Variants in DTX3L observed in about 807,000 individuals in gnomAD.
The protein encoded by DTX3L is E3 ubiquitin-protein ligase DTX3L.
A neutral mutation model predicts 60.9 loss-of-function variants in DTX3L; 34 were observed. The observed-to-expected ratio is 0.56, with a 90% CI of 0.42 to 0.74. DTX3L has a LOEUF of 0.74. Ranked by LOEUF, DTX3L falls within the 30% of genes least tolerant of loss-of-function variation. The probability of loss-of-function intolerance (pLI) is 0.00; values close to 1 mark genes in which losing one functional copy is unlikely to be tolerated. For synonymous variants in DTX3L, 290 were observed against 316.6 expected (o/e 0.92, Z 0.89); for missense variants, 810 against 874.0 (o/e 0.93, Z 0.92).
Position 122,570,590 on chromosome 3 carries a change from T to G in DTX3L, c.2071T>G (p.Tyr691Asp). Residue 691 changes from tyrosine to aspartate, a missense_variant, in exon 4 of 5, where the codon TAC becomes GAC. Tyr to Asp is a radical substitution (Grantham distance 160). Coordinates refer to ENST00000296161, the MANE Select transcript of DTX3L (RefSeq NM_138287.3). ...FDQKLIFTVG[Y>D]SRVLGVSDVI... ...CCAAAAGCTGATTTTTACAGTGGGG[T>G]ACTCTCGCGTATTAGGAGTCTCAGA... 1.9e-6 allele frequency: 3 copies of G among 1,614,172 alleles called. No individual in the cohort carries two copies. Among genetic ancestry groups the G allele is most frequent in the Non-Finnish European group, 2.5e-6 (3 of 1,180,020 alleles).
intron 4 of DTX3L, among the ~76,000 whole-genome samples, chr3:122,571,151 C>T (rs920405611): frequency 1.3e-5 from 2 of 152,062 alleles, no homozygotes; most frequent in African/African-American, 4.8e-5. Flanking sequence ...CTTTATGAAA[C>T]CCAAATAGGA....
intron 4 of DTX3L, 142 bp downstream of exon 4, chr3:122,570,814 A>C: frequency 1.6e-5 from 14 of 849,280 alleles, no homozygotes; most frequent in Non-Finnish European, 2.4e-5. Flanking sequence ...TGGTAATCTC[A>C]AAGACAGAAA....
At chr3:122,564,653 G>T in intron 1 of DTX3L, 40 bp downstream of exon 1, 1 of 1,560,896 alleles carries the variant, frequency 6.4e-7, no homozygotes, top group South Asian at 1.2e-5. Context: ...CCCTCTGGGG[G>T]CCCGGCCCCC....
chr3:122,565,806 A>C (rs2080573344), intron 1 of DTX3L, 53 bp from the exon 2 acceptor site: 2 of 1,557,468 alleles, frequency 1.3e-6, no homozygotes, highest in Admixed American at 3.4e-5. Flanking sequence ...ATTACTTGAA[A>C]TCTCTCCCAT....
At chr3:122,568,416 T>TAGAGACTAGAC (rs1187598107) in intron 2 of DTX3L, 73 bp from the exon 3 acceptor site, 2 of 1,257,864 alleles carry the variant, frequency 1.6e-6, no homozygotes, top group African/African-American at 3.0e-5. Flanking sequence ...TCTCTATGCA[T>TAGAGACTAGAC]TCTCCTGAAG....
Position 122,568,783 on chromosome 3 carries a change from A to C in DTX3L, c.694A>C (p.Lys232Gln), listed in dbSNP as rs2080622697. 1 of 1,614,014 alleles carries C rather than the reference A, an allele frequency of 6.2e-7. No individual in the cohort carries two copies. The highest frequency in any genetic ancestry group is 1.1e-5 in the South Asian group (1 of 91,086). Residue 232 changes from lysine to glutamine, a missense_variant, in exon 3 of 5, where the codon AAA becomes CAA. Transcript: ENST00000296161. ...PSEPETKAEQKSNYFEVPLPY... is the reference protein window; with the variant it reads ...PSEPETKAEQQSNYFEVPLPY... ...TGAACCAGAAACCAAGGCAGAACAAAAAAGCAACTATTTTGAAGTTCCCTT... is the reference window on the plus strand; with the variant it reads ...TGAACCAGAAACCAAGGCAGAACAACAAAGCAACTATTTTGAAGTTCCCTT...
At position 122,568,806 on chromosome 3, in the gene DTX3L, C is replaced by G; in HGVS notation, c.717C>G (p.Pro239=). The change falls in exon 3 of 5, where the codon CCC becomes CCG. Residue 239 remains proline, a synonymous_variant. Transcript: ENST00000296161. ...AEQKSNYFEV[P]LPYFEYFKYI... ...AAAAAAGCAACTATTTTGAAGTTCC[C>G]TTGCCTTACTTTGAATACTTTAAAT... 6.2e-7 allele frequency: 1 copy of G among 1,613,984 alleles called. No individual in the cohort carries two copies. Among genetic ancestry groups the G allele is most frequent in the Non-Finnish European group, 8.5e-7 (1 of 1,180,000 alleles).
intron 2 of DTX3L, among the ~76,000 whole-genome samples, chr3:122,567,085 C>T (rs1413545961): frequency 6.6e-6 from 1 of 152,054 alleles, no homozygotes; most frequent in African/African-American, 2.4e-5. Context: ...TTTTGAGGCC[C>T]AGAAGCTTTA....
chr3:122,569,887 C>T lies in DTX3L; in HGVS notation c.1798C>T (p.Gln600Ter). ...MSYKPICPTCQTSYGIQKGNQ... is the reference protein window; with the variant it reads ...MSYKPICPTC ...ATATAAGCCAATCTGTCCCACATGC[C>T]AGACTTCCTATGGTATTCAGAAAGG... The change falls in exon 3 of 5, where the codon CAG becomes TAG. Residue 600 changes from glutamine (Q) to a stop codon, truncating the protein, a stop_gained. Transcript: ENST00000296161. LOFTEE classifies it high-confidence loss of function. 1 of 1,614,146 alleles carries T rather than the reference C, an allele frequency of 6.2e-7. No individual in the cohort carries two copies.
In DTX3L at chr3:122,570,019, C is replaced by A; in HGVS notation, c.1930C>A (p.Gln644Lys). The A allele has an allele frequency of 6.2e-7, 1 of 1,613,672 alleles. No homozygotes were observed. The highest frequency in any genetic ancestry group is 2.2e-5 in the East Asian group (1 of 44,878). ...TACTTATTCTATGAAAGCAGGCATA[C>A]AAACAGTAAGTATTTCTCAAGTCCA... Reference protein sequence around the residue: ...VITYSMKAGIQTEEHPNPGKR... With the variant: ...VITYSMKAGIKTEEHPNPGKR... Residue 644 changes from glutamine (Q) to lysine (K), a missense_variant, in exon 3 of 5, where the codon CAA becomes AAA. Transcript: ENST00000296161.
chr3:122,566,596 C>T (rs1042557851), intron 2 of DTX3L, among the ~76,000 whole-genome samples: 6 of 151,804 alleles, frequency 4.0e-5, no homozygotes, highest in African/African-American at 1.5e-4. Flanking sequence ...TTCCTGGGCT[C>T]AAGCGATCTG....
chr3:122,566,454 C>T lies in DTX3L; in HGVS notation c.399+384C>T, dbSNP rs147969266. Among the ~76,000 whole-genome samples the T allele has an allele frequency of 5.7e-3, 871 of 152,150 alleles. 7 individuals are homozygous for T. Among genetic ancestry groups the T allele is most frequent in the Non-Finnish European group, 9.0e-3 (611 of 67,976 alleles). On this transcript the variant is annotated intron_variant, in intron 2 of 4. Transcript: ENST00000296161. ...CAATCATGGCTCACTGCAGAGTTGA[C>T]CTCCTGGGCTCAAGGGATCCTCTCA...
In DTX3L at chr3:122,569,066, A is replaced by T. The variant is rs1283079855; in HGVS notation, c.977A>T (p.Asn326Ile). The change falls in exon 3 of 5, where the codon AAT becomes ATT. Residue 326 changes from asparagine to isoleucine, a missense_variant. By Grantham distance (149) the Asn-to-Ile change is moderately radical. Coordinates refer to ENST00000296161, the MANE Select transcript of DTX3L (RefSeq NM_138287.3). The stretch of plus-strand genomic sequence containing the variant: ...GCAAATAAATTCAAACAGGAATTGA[A>T]TCACCAGTTTACAAAGCTCCTTATA... The part of the protein sequence containing the change: ...KQANKFKQEL[N>I]HQFTKLLIKE... 1 of 1,613,990 alleles carries T rather than the reference A, an allele frequency of 6.2e-7. No homozygotes were observed. The highest frequency in any genetic ancestry group is 8.5e-7 in the Non-Finnish European group (1 of 1,179,988).
intron 2 of DTX3L, among the ~76,000 whole-genome samples, chr3:122,568,280 G>A (rs561748733): frequency 6.6e-6 from 1 of 152,112 alleles, no homozygotes; most frequent in Non-Finnish European, 1.5e-5. Flanking sequence ...TTGCACTCCA[G>A]CCTGGGTAAC....
chr3:122,568,776 A>G lies in DTX3L; in HGVS notation c.687A>G (p.Ala229=). 6.2e-7 allele frequency: 1 copy of G among 1,614,158 alleles called. No homozygotes were observed. The change falls in exon 3 of 5, where the codon GCA becomes GCG. Residue 229 remains alanine (A), a synonymous_variant. Transcript: ENST00000296161. The part of the protein sequence containing the change: ...CISPSEPETK[A]EQKSNYFEVP... ...CTCCTTCTGAACCAGAAACCAAGGC[A>G]GAACAAAAAAGCAACTATTTTGAAG... is the stretch of plus-strand genomic sequence containing the variant.
chr3:122,567,966 T>C (rs1272529326), intron 2 of DTX3L, among the ~76,000 whole-genome samples: 2 of 152,190 alleles, frequency 1.3e-5, no homozygotes, highest in Non-Finnish European at 2.9e-5. Flanking sequence ...GTGAGTCTTA[T>C]ATGCAGACAG....
rs760597749 is a variant in DTX3L at position 122,566,090 on chromosome 3, G to A, written c.399+20G>A. On this transcript the variant is annotated intron_variant, in intron 2 of 4. Coordinates refer to ENST00000296161, the MANE Select transcript of DTX3L (RefSeq NM_138287.3). ...CAAAAGGTGAGTATTGAAAGAAGGA[G>A]CTGGCTGTGCCTGCGCCTCCTCTCC... 1.2e-6 allele frequency: 2 copies of A among 1,608,674 alleles called. No individual in the cohort carries two copies. Among genetic ancestry groups the A allele is most frequent in the Non-Finnish European group, 1.7e-6 (2 of 1,175,484 alleles).
intron 2 of DTX3L, among the ~76,000 whole-genome samples, chr3:122,567,664 A>G (rs549074452): frequency 6.6e-6 from 1 of 152,282 alleles, no homozygotes; most frequent in African/African-American, 2.4e-5. Flanking sequence ...AGGAAGAGTG[A>G]AGAAGAGAAA....
In DTX3L at chr3:122,569,040, G is replaced by A. The variant is rs975434653; in HGVS notation, c.951G>A (p.Gln317=). The A allele has an allele frequency of 3.7e-6, 6 of 1,613,864 alleles. No homozygotes were observed. The highest frequency in any genetic ancestry group is 2.5e-6 in the Non-Finnish European group (3 of 1,179,978). The change falls in exon 3 of 5, where the codon CAG becomes CAA. Residue 317 remains glutamine, a synonymous_variant. Coordinates refer to ENST00000296161, the MANE Select transcript of DTX3L (RefSeq NM_138287.3). ...GTGTCTCTTTAGCAGACAGTAAGCA[G>A]GCAAATAAATTCAAACAGGAATTGA... The part of the protein sequence containing the change: ...QECVSLADSK[Q]ANKFKQELNH...
Sources: gnomAD v4.1 joint callset for allele counts (sites outside exome capture counted in the v4.1 genomes callset) on GRCh38, gnomAD v4.1.1 for gene constraint, MANE v1.5 for transcripts, NCBI Gene and HGNC (gene_info 2026-07-23, HGNC 2026-07-21) for gene names.